The following FLT1 variants were observed in gnomAD, a reference collection of about 807,000 sequenced individuals.
FLT1 encodes the protein fms related receptor tyrosine kinase 1.
Under a neutral mutation model 156.3 loss-of-function variants are expected in FLT1, and 49 were observed. The observed-to-expected ratio is 0.31, with a 90% CI of 0.25 to 0.40. The LOEUF (loss-of-function observed/expected upper bound fraction) is 0.40, where lower values mean the gene tolerates loss of function less well. Ranked by LOEUF, FLT1 falls within the 10% of genes least tolerant of loss-of-function variation. FLT1 has a pLI of 1.00. For synonymous variants in FLT1, 594 were observed against 583.8 expected (o/e 1.02, Z -0.25); for missense variants, 1,322 against 1,637.2 (o/e 0.81, Z 3.32).
chr13:28,466,756 G>A lies in FLT1; in HGVS notation c.388+147C>T, dbSNP rs1254522888. 8.4e-6 allele frequency: 6 copies of A among 712,360 alleles called. No homozygotes were observed. The East Asian group carries it at 1.6e-4, about 19-fold the overall frequency. The allele number at this position is 712,360 out of a possible 1,614,324, so 44.1% of individuals were successfully genotyped here. On this transcript the variant is annotated intron_variant, in intron 3 of 29. Transcript: ENST00000282397. ...AATTCTGGTTAAAATTGACATCCAC[G>A]AAAGTGTCTACAACTAGGATGGAAT...
At chr13:28,446,961 A>C (rs182438677) in intron 3 of FLT1, among the ~76,000 whole-genome samples, 153 of 152,202 alleles carry the variant, frequency 1.0e-3, no homozygotes, top group Middle Eastern at 3.4e-3. Context: ...AATAGAATTG[A>C]GACTCCAGAG....
intron 3 of FLT1, among the ~76,000 whole-genome samples, chr13:28,443,685 G>T (rs1427522129): frequency 1.3e-5 from 2 of 152,174 alleles, no homozygotes; most frequent in Admixed American, 6.5e-5. Flanking sequence ...CATGAAAAGG[G>T]TTCTATCTAG....
chr13:28,369,323 A>G (rs1016544893), intron 14 of FLT1, among the ~76,000 whole-genome samples: 8 of 152,096 alleles, frequency 5.3e-5, no homozygotes, highest in Middle Eastern at 3.2e-3. Context: ...TCAGGAATTC[A>G]AGACCAGCCT....
rs1351200892 is a variant in FLT1 at position 28,467,083 on chromosome 13, C to T, written c.208G>A (p.Glu70Lys). 1.9e-6 allele frequency: 3 copies of T among 1,614,114 alleles called. No individual in the cohort carries two copies. The highest frequency in any genetic ancestry group is 2.2e-5 in the South Asian group (2 of 91,072). ...TTAGTTATGCTCAGCCTTTCGCTTT[C>T]CTTACTCACCATTTCAGGCAAAGAC... ...KWSLPEMVSKESERLSITKSA... is the reference protein window; with the variant it reads ...KWSLPEMVSKKSERLSITKSA... Residue 70 changes from glutamate to lysine, a missense_variant, in exon 3 of 30, where the codon GAA (glutamate) becomes AAA (lysine). This residue lies in a region of FLT1 where 991 missense variants were observed against 1,254.8 expected (regional missense o/e 0.79). Coordinates refer to ENST00000282397, the MANE Select transcript of FLT1 (RefSeq NM_002019.4).
chr13:28,357,697 G>C lies in FLT1; in HGVS notation c.2117-12C>G, dbSNP rs373526475. 1,341 of 1,612,850 alleles carry C rather than the reference G, an allele frequency of 8.3e-4. 18 individuals carry two copies. In the South Asian group the frequency reaches 0.013, roughly 16 times the overall value. On this transcript the variant is annotated splice_polypyrimidine_tract_variant and intron_variant, in intron 14 of 29. Coordinates refer to ENST00000282397, the MANE Select transcript of FLT1 (RefSeq NM_002019.4). Reference sequence around the variant, plus strand: ...TCCTAAAATAATTCCTGAGGGGTGAGAGATGTTTAGATTAGTGGGCCTGGA... The same window carrying C: ...TCCTAAAATAATTCCTGAGGGGTGACAGATGTTTAGATTAGTGGGCCTGGA...
chr13:28,395,602 AC>A (rs200145568), intron 12 of FLT1, among the ~76,000 whole-genome samples: 4,909 of 152,334 alleles, frequency 0.032, 209 homozygotes, highest in Admixed American at 0.11. Context: ...TTTTAAAAAA[AC>A]GTGGTTACTA....
At chr13:28,477,318 A>T (rs1015722000) in intron 1 of FLT1, among the ~76,000 whole-genome samples, 5 of 152,164 alleles carry the variant, frequency 3.3e-5, no homozygotes, top group African/African-American at 1.2e-4. Flanking sequence ...CATCAGAGTT[A>T]ATTAAGGTTG....
At chr13:28,436,577 C>A (rs1593791509) in intron 4 of FLT1, among the ~76,000 whole-genome samples, 1 of 152,200 alleles carries the variant, frequency 6.6e-6, no homozygotes, top group East Asian at 1.9e-4. Flanking sequence ...GACCAAACAA[C>A]CCATCTGCAT....
In FLT1 at chr13:28,408,386, C is replaced by T. The variant is rs1040153790; in HGVS notation, c.1437-2492G>A. On this transcript the variant is annotated intron_variant, in intron 10 of 29. Coordinates refer to ENST00000282397, the MANE Select transcript of FLT1 (RefSeq NM_002019.4). ...CTATAGGCCAGACTTATTGCCAGCT[C>T]TTCCACATAAAAAGGACAGATTCTG... 3.9e-5 allele frequency among the ~76,000 whole-genome samples: 6 copies of T among 152,328 alleles called. No homozygotes were observed. In the East Asian group the frequency reaches 1.2e-3, roughly 29 times the overall value.
At position 28,322,871 on chromosome 13, in the gene FLT1, C is replaced by T. The variant is rs1242507669; in HGVS notation, c.2872G>A (p.Asp958Asn). ...GLEQGKKPRL[D>N]SVTSSESFAS... ...AAGCTTTCGCTGCTGGTGACGCTAT[C>T]TAGTCTTGGTTTCTTGCCTTGTTCC... Residue 958 changes from aspartate to asparagine, a missense_variant, in exon 21 of 30, where the codon GAT becomes AAT. Physicochemically the swap from Asp to Asn is conservative, Grantham distance 23. Coordinates refer to ENST00000282397, the MANE Select transcript of FLT1 (RefSeq NM_002019.4). The surrounding 1 kb of genome is among the most constrained non-coding windows in gnomAD (Gnocchi z 4.3). The T allele has an allele frequency of 6.2e-7, 1 of 1,614,166 alleles. No homozygotes were observed. Among genetic ancestry groups the T allele is most frequent in the Admixed American group, 1.7e-5 (1 of 60,032 alleles).
chr13:28,323,698 C>T (rs1871567645), intron 20 of FLT1, among the ~76,000 whole-genome samples: 1 of 151,840 alleles, frequency 6.6e-6, no homozygotes, highest in Non-Finnish European at 1.5e-5. Flanking sequence ...TGGTCGATGC[C>T]CACATCTGTG....
chr13:28,349,006 G>A (rs1394137148), intron 15 of FLT1, among the ~76,000 whole-genome samples: 2 of 152,122 alleles, frequency 1.3e-5, no homozygotes, highest in African/African-American at 4.8e-5. Context: ...TTGCAGATAT[G>A]TTCTAGGTGC....
At chr13:28,440,666 C>T (rs1878286446) in intron 3 of FLT1, among the ~76,000 whole-genome samples, 9 of 152,032 alleles carry the variant, frequency 5.9e-5, no homozygotes, top group Admixed American at 5.9e-4. Flanking sequence ...CGCCTCAAAG[C>T]CTGGGTTTAA....
chr13:28,305,538 A>G (rs1239491036), intron 29 of FLT1, among the ~76,000 whole-genome samples: 17 of 152,232 alleles, frequency 1.1e-4, no homozygotes, highest in Middle Eastern at 6.8e-3. Flanking sequence ...TATTTCCCTA[A>G]TGACTGATGA....
At chr13:28,307,447 T>C (rs1870794521) in intron 28 of FLT1, among the ~76,000 whole-genome samples, 1 of 152,128 alleles carries the variant, frequency 6.6e-6, no homozygotes. Flanking sequence ...TCACCACTGA[T>C]TTAGGGTGGG....
At chr13:28,326,568 C>T (rs944548137) in intron 20 of FLT1, among the ~76,000 whole-genome samples, 1 of 140,600 alleles carries the variant, frequency 7.1e-6, no homozygotes, top group Non-Finnish European at 1.5e-5. Flanking sequence ...CTCTGTTGCC[C>T]AGGCTGGAGT....
At chr13:28,481,427 A>C (rs1880839772) in intron 1 of FLT1, among the ~76,000 whole-genome samples, 1 of 148,586 alleles carries the variant, frequency 6.7e-6, no homozygotes, top group Non-Finnish European at 1.5e-5. Flanking sequence ...TATTTCTCCT[A>C]ACCTCCTCCG....
intron 23 of FLT1, among the ~76,000 whole-genome samples, chr13:28,319,823 A>G (rs1593677077): frequency 6.6e-6 from 1 of 152,184 alleles, no homozygotes; most frequent in East Asian, 1.9e-4. Flanking sequence ...CCCCACAAAG[A>G]AAGCCTGCAC....
chr13:28,472,434 G>A (rs767244795), intron 1 of FLT1, among the ~76,000 whole-genome samples: 2 of 152,224 alleles, frequency 1.3e-5, no homozygotes, highest in Non-Finnish European at 2.9e-5. Flanking sequence ...GAGGTCACTT[G>A]TAAAACTCAA....
Sources: gnomAD v4.1 joint callset for allele counts (sites outside exome capture counted in the v4.1 genomes callset) on GRCh38, gnomAD v4.1.1 for gene constraint, gnomAD v4.1.1 regional missense constraint, Gnocchi (gnomAD v3.1) non-coding constraint, MANE v1.5 for transcripts, NCBI Gene and HGNC (gene_info 2026-07-23, HGNC 2026-07-21) for gene names.